Variants in DAPK1 observed in about 807,000 individuals in gnomAD.
DAPK1 encodes the protein death-associated protein kinase 1.
A neutral mutation model predicts 144.9 loss-of-function variants in DAPK1; 56 were observed. The observed-to-expected ratio is 0.39, with a 90% CI of 0.31 to 0.48. The LOEUF is 0.48. DAPK1 is among the 20% of genes least tolerant of loss of function. DAPK1 has a pLI of 0.95. For synonymous variants in DAPK1, 690 were observed against 749.0 expected, an observed-to-expected ratio of 0.92 and a Z score of 1.29; for missense variants, 1,454 against 1,875.4, an observed-to-expected ratio of 0.78 and a Z score of 4.15.
chr9:87,556,495 G>A (rs1026522091), intron 2 of DAPK1, among the ~76,000 whole-genome samples: 6 of 152,216 alleles, frequency 3.9e-5, no homozygotes, highest in Admixed American at 6.5e-5. Context: ...GCATGGGTTA[G>A]TATTCTGGCC....
chr9:87,624,555 A>G (rs961962788), intron 3 of DAPK1, among the ~76,000 whole-genome samples: 18 of 152,184 alleles, frequency 1.2e-4, no homozygotes, highest in Non-Finnish European at 8.8e-5. Context: ...GTAGTGCCAA[A>G]GGGTTTGCAG....
intron 3 of DAPK1, chr9:87,632,240 T>G: frequency 2.0e-6 from 2 of 981,482 alleles, no homozygotes; most frequent in South Asian, 9.4e-5. Flanking sequence ...GATCGGTATA[T>G]ATAGGAGTGA....
At chr9:87,651,071 C>T (rs1252784226) in intron 16 of DAPK1, among the ~76,000 whole-genome samples, 1 of 152,192 alleles carries the variant, frequency 6.6e-6, no homozygotes, top group Non-Finnish European at 1.5e-5. Context: ...AAATCTGCTT[C>T]TCATTTATAT....
intron 1 of DAPK1, chr9:87,498,558 G>A: frequency 4.2e-6 from 1 of 238,318 alleles, no homozygotes; most frequent in Non-Finnish European, 8.0e-6. Context: ...CACCGTTGCC[G>A]CAGGCTGGAG....
chr9:87,593,903 T>A (rs970941951), intron 2 of DAPK1, among the ~76,000 whole-genome samples: 2 of 152,132 alleles, frequency 1.3e-5, no homozygotes, highest in Admixed American at 1.3e-4. Context: ...AATGGTGAAG[T>A]CAAAGTGATC....
At chr9:87,630,801 T>TCA (rs1829657637) in intron 3 of DAPK1, among the ~76,000 whole-genome samples, 1 of 152,156 alleles carries the variant, frequency 6.6e-6, no homozygotes, top group African/African-American at 2.4e-5. Flanking sequence ...TATCTGCGTG[T>TCA]CATCTCTGCT....
At chr9:87,563,577 C>G (rs1827009661) in intron 2 of DAPK1, among the ~76,000 whole-genome samples, 1 of 152,160 alleles carries the variant, frequency 6.6e-6, no homozygotes, top group Non-Finnish European at 1.5e-5. Context: ...TTAGACCTTG[C>G]TCTTGTGGGA....
rs538251371 is a variant in DAPK1, at chr9:87,686,243, C to G, written c.2225-308C>G. ...CCCTCCCACCCTCTCCACAGCCTCC[C>G]GTTGGCTGACCCTAAGCAGAAATCA... On this transcript the variant is annotated intron_variant, in intron 20 of 25. Transcript: ENST00000408954. The surrounding 1 kb of genome is among the most constrained non-coding windows in gnomAD (Gnocchi z 4.2). Among the ~76,000 whole-genome samples, 1 of 152,266 alleles carries G rather than the reference C, an allele frequency of 6.6e-6. No homozygotes were observed. Among genetic ancestry groups the G allele is most frequent in the East Asian group, 1.9e-4 (1 of 5,170 alleles).
At chr9:87,663,825 C>A (rs1830954548) in intron 18 of DAPK1, among the ~76,000 whole-genome samples, 1 of 152,126 alleles carries the variant, frequency 6.6e-6, no homozygotes, top group Non-Finnish European at 1.5e-5. Context: ...AGTGTTCAGC[C>A]TCTGCAAAGG....
intron 2 of DAPK1, among the ~76,000 whole-genome samples, chr9:87,604,319 T>A (rs535516533): frequency 6.6e-6 from 1 of 152,146 alleles, no homozygotes; most frequent in South Asian, 2.1e-4. Context: ...GTATTTACAG[T>A]TGGGGGTGGA....
intron 2 of DAPK1, among the ~76,000 whole-genome samples, chr9:87,561,526 A>T (rs1826925557): frequency 1.1e-5 from 1 of 90,680 alleles, no homozygotes; most frequent in Non-Finnish European, 2.3e-5. Context: ...ACTCCGTCTC[A>T]AAAGAAAAAA....
chr9:87,554,863 A>G (rs1041823199), intron 2 of DAPK1, among the ~76,000 whole-genome samples: 1 of 152,176 alleles, frequency 6.6e-6, no homozygotes, highest in Non-Finnish European at 1.5e-5. Flanking sequence ...GGCTTCAGCC[A>G]GTTCTCCTGG....
chr9:87,525,612 C>A, intron 2 of DAPK1: 2 of 660,682 alleles, frequency 3.0e-6, no homozygotes, highest in Non-Finnish European at 2.6e-6. Context: ...TGTCAGTTTC[C>A]AAAAAGAACC....
chr9:87,702,400 G>A lies in DAPK1; in HGVS notation c.2872-629G>A, dbSNP rs147538463. Among the ~76,000 whole-genome samples, 6 of 152,272 alleles carry A rather than the reference G, an allele frequency of 3.9e-5. 1 individual carries two copies. In the East Asian group the frequency reaches 1.2e-3, roughly 29 times the overall value. On this transcript the variant is annotated intron_variant, in intron 24 of 25. Coordinates refer to ENST00000408954, the MANE Select transcript of DAPK1 (RefSeq NM_004938.4). ...AATTGGAAACAATATTTCAACAACA[G>A]TCCCCACGAATGCCTAATTTACTGG...
intron 2 of DAPK1, among the ~76,000 whole-genome samples, chr9:87,509,044 G>GCCC (rs1432101999): frequency 3.9e-5 from 6 of 152,210 alleles, no homozygotes; most frequent in African/African-American, 1.2e-4. Context: ...TTATGGGTAA[G>GCCC]CAGCAGAAAT....
intron 3 of DAPK1, among the ~76,000 whole-genome samples, chr9:87,622,570 T>G (rs547351618): frequency 6.6e-6 from 1 of 152,180 alleles, no homozygotes; most frequent in East Asian, 1.9e-4. Context: ...TTTGTTGGCT[T>G]GTTTTATAAA....
Position 87,698,831 on chromosome 9 carries a change from G to GC in DAPK1, c.2750+39dup, listed in dbSNP as rs764459496. 17 of 1,387,490 alleles carry GC rather than the reference G, an allele frequency of 1.2e-5. No homozygotes were observed. The Admixed American group carries it at 2.7e-4, about 22-fold the overall frequency. The allele number at this position is 1,387,490 out of a possible 1,614,324, so 85.9% of individuals were successfully genotyped here. A position where few individuals can be genotyped will look rare whatever the true frequency, so the allele number is the denominator to read the frequency against. On this transcript the variant is annotated intron_variant, in intron 23 of 25. Coordinates refer to ENST00000408954, the MANE Select transcript of DAPK1 (RefSeq NM_004938.4). The stretch of plus-strand genomic sequence containing the variant: ...CCACTTAGTCTCCAGCTCACGGGTA[G>GC]CCTCCTCTCCCTGAGAACTGAAGCA...
At chr9:87,641,417 A>G (rs11141919) in intron 9 of DAPK1, among the ~76,000 whole-genome samples, 5,354 of 152,310 alleles carry the variant, frequency 0.035, 313 homozygotes, top group African/African-American at 0.12. Flanking sequence ...CATGAAATAA[A>G]GAAGTGAACA....
intron 19 of DAPK1, among the ~76,000 whole-genome samples, chr9:87,669,961 CTG>C (rs977814514): frequency 5.3e-5 from 8 of 152,270 alleles, no homozygotes; most frequent in African/African-American, 1.9e-4. Context: ...TTAATAAACT[CTG>C]AGAGCTGCGA....
Sources: gnomAD v4.1 joint callset for allele counts (sites outside exome capture counted in the v4.1 genomes callset) on GRCh38, gnomAD v4.1.1 for gene constraint, Gnocchi (gnomAD v3.1) non-coding constraint, MANE v1.5 for transcripts, NCBI Gene and HGNC (gene_info 2026-07-23, HGNC 2026-07-21) for gene names.